TBC1D22A: variants seen among roughly 807,000 people sequenced by gnomAD.
The protein encoded by TBC1D22A is TBC1 domain family member 22A, also known as putative GTPase activator.
In TBC1D22A, 38 loss-of-function variants were observed where a neutral mutation model predicts 60.2. That is an observed-to-expected ratio of 0.63 (90% CI 0.49 to 0.83). TBC1D22A has a LOEUF of 0.83. TBC1D22A is among the 40% of genes least tolerant of loss of function. TBC1D22A has a pLI of 0.00. For synonymous variants in TBC1D22A, 302 were observed against 281.7 expected, an observed-to-expected ratio of 1.07 and a Z score of -0.72; for missense variants, 628 against 701.0, an observed-to-expected ratio of 0.90 and a Z score of 1.18.
At chr22:46,995,532 T>TGTGA (rs879592852) in intron 9 of TBC1D22A, among the ~76,000 whole-genome samples, 2,022 of 150,850 alleles carry the variant, frequency 0.013, 19 homozygotes, top group Middle Eastern at 0.034. Context: ...TGTGTGTGTG[T>TGTGA]GAGAGAGAAA....
chr22:46,901,551 G>A (rs1444014513), intron 7 of TBC1D22A, among the ~76,000 whole-genome samples: 3 of 152,192 alleles, frequency 2.0e-5, no homozygotes, highest in Non-Finnish European at 2.9e-5. Flanking sequence ...TCTGCTCATC[G>A]CGAGAGAGTT....
At chr22:46,809,998 A>T (rs1052258337) in intron 4 of TBC1D22A, among the ~76,000 whole-genome samples, 27 of 152,210 alleles carry the variant, frequency 1.8e-4, no homozygotes, top group African/African-American at 6.0e-4. Flanking sequence ...AATTCTTATT[A>T]AAATTGCATA....
At chr22:46,994,826 T>G (rs2075064373) in intron 9 of TBC1D22A, among the ~76,000 whole-genome samples, 1 of 152,234 alleles carries the variant, frequency 6.6e-6, no homozygotes, top group Non-Finnish European at 1.5e-5. Flanking sequence ...AACATCAGTG[T>G]GCTCCTGTTA....
intron 12 of TBC1D22A, among the ~76,000 whole-genome samples, chr22:47,171,479 A>G (rs1163338936): frequency 2.6e-5 from 4 of 152,128 alleles, no homozygotes; most frequent in Admixed American, 2.6e-4. Context: ...GGGCCATCTG[A>G]GCAGTGTAGA....
intron 11 of TBC1D22A, among the ~76,000 whole-genome samples, chr22:47,107,869 A>G (rs1025947196): frequency 2.0e-5 from 3 of 152,378 alleles, no homozygotes; most frequent in African/African-American, 7.2e-5. Context: ...TTTACCATAT[A>G]CAAAAATTAA....
intron 12 of TBC1D22A, among the ~76,000 whole-genome samples, chr22:47,139,900 C>T (rs1024803676): frequency 6.6e-6 from 1 of 152,266 alleles, no homozygotes; most frequent in Non-Finnish European, 1.5e-5. Flanking sequence ...GCGAAGTCCA[C>T]ATCATGTGAC....
intron 7 of TBC1D22A, among the ~76,000 whole-genome samples, chr22:46,895,079 T>C (rs1455550743): frequency 6.6e-6 from 1 of 152,220 alleles, no homozygotes. Flanking sequence ...GTAATACATA[T>C]GTGTGGATGT....
chr22:46,873,598 C>T (rs2067393575), intron 4 of TBC1D22A, among the ~76,000 whole-genome samples: 1 of 152,040 alleles, frequency 6.6e-6, no homozygotes, highest in South Asian at 2.1e-4. Context: ...GTTTGTTGTA[C>T]AGATTCTTTC....
intron 8 of TBC1D22A, among the ~76,000 whole-genome samples, chr22:46,967,384 A>G (rs2073853631): frequency 6.6e-6 from 1 of 152,220 alleles, no homozygotes; most frequent in South Asian, 2.1e-4. Context: ...TTCCAATTTA[A>G]AACTCCCAAG....
chr22:46,957,104 C>T (rs527963767), intron 8 of TBC1D22A, among the ~76,000 whole-genome samples: 10 of 152,334 alleles, frequency 6.6e-5, no homozygotes, highest in African/African-American at 1.9e-4. Flanking sequence ...TAGAGAGGGA[C>T]GCGGTCTCCA....
intron 4 of TBC1D22A, among the ~76,000 whole-genome samples, chr22:46,849,497 A>C (rs1387817793): frequency 6.6e-6 from 1 of 152,162 alleles, no homozygotes; most frequent in Non-Finnish European, 1.5e-5. Flanking sequence ...TCTTTATTAG[A>C]GAACAGCTAA....
At chr22:47,096,729 G>A (rs2065190374) in intron 11 of TBC1D22A, among the ~76,000 whole-genome samples, 1 of 152,166 alleles carries the variant, frequency 6.6e-6, no homozygotes, top group Non-Finnish European at 1.5e-5. Context: ...GGCTGAGGCA[G>A]GAGAATTGCT....
chr22:47,075,213 A>T (rs2064154485), intron 11 of TBC1D22A, among the ~76,000 whole-genome samples: 1 of 121,636 alleles, frequency 8.2e-6, no homozygotes. Flanking sequence ...ACAGAGCGAG[A>T]TTCCGTCTCA....
chr22:46,942,026 T>TATAA (rs1555960666), intron 8 of TBC1D22A, among the ~76,000 whole-genome samples: 22 of 137,396 alleles, frequency 1.6e-4, no homozygotes, highest in African/African-American at 4.9e-4. Context: ...TATATATATA[T>TATAA]TATATATATA....
intron 10 of TBC1D22A, among the ~76,000 whole-genome samples, chr22:47,024,865 AAAAG>A (rs2062204732): frequency 6.6e-6 from 1 of 152,216 alleles, no homozygotes; most frequent in African/African-American, 2.4e-5. Flanking sequence ...CAAAAGAAAA[AAAAG>A]AGAAAAGCCC....
At chr22:47,071,394 C>A (rs908750790) in intron 11 of TBC1D22A, among the ~76,000 whole-genome samples, 3 of 152,204 alleles carry the variant, frequency 2.0e-5, no homozygotes, top group Non-Finnish European at 4.4e-5. Flanking sequence ...CCCTGCCCGT[C>A]CTCAGTTGCT....
intron 8 of TBC1D22A, among the ~76,000 whole-genome samples, chr22:46,920,390 A>G (rs1269159013): frequency 2.8e-5 from 4 of 141,936 alleles, no homozygotes; most frequent in Non-Finnish European, 5.9e-5. Flanking sequence ...AAAGCTGGGT[A>G]TTCTCCCATT....
intron 12 of TBC1D22A, among the ~76,000 whole-genome samples, chr22:47,170,052 C>T (rs1292958633): frequency 1.3e-5 from 2 of 152,196 alleles, no homozygotes; most frequent in Non-Finnish European, 2.9e-5. Context: ...GTTTCCCAGA[C>T]AGGAGACGAC....
chr22:46,915,568 T>C (rs1296477179), intron 8 of TBC1D22A: 1 of 456,632 alleles, frequency 2.2e-6, no homozygotes, highest in Non-Finnish European at 4.4e-6. Context: ...GTTCTGGGGA[T>C]GAGCTTGTGT....
Sources: gnomAD v4.1 joint callset for allele counts (sites outside exome capture counted in the v4.1 genomes callset) on GRCh38, gnomAD v4.1.1 for gene constraint, MANE v1.5 for transcripts, NCBI Gene and HGNC (gene_info 2026-07-23, HGNC 2026-07-21) for gene names.